Variants in BAZ2B observed in about 807,000 individuals in gnomAD.
The protein encoded by BAZ2B is bromodomain adjacent to zinc finger domain protein 2B.
Under a neutral mutation model 246.0 loss-of-function variants are expected in BAZ2B, and 91 were observed. The observed-to-expected ratio is 0.37, with a 90% CI of 0.31 to 0.44. The LOEUF is 0.44. BAZ2B is among the 20% of genes least tolerant of loss of function. BAZ2B has a pLI of 1.00. For missense variants in BAZ2B, 2,332 were observed against 2,533.7 expected, an observed-to-expected ratio of 0.92 and a Z score of 1.71; for synonymous variants, 855 against 860.0, an observed-to-expected ratio of 0.99 and a Z score of 0.10.
chr2:159,400,909 T>G (rs570120558), intron 16 of BAZ2B, among the ~76,000 whole-genome samples: 1 of 152,124 alleles, frequency 6.6e-6, no homozygotes, highest in East Asian at 1.9e-4. Flanking sequence ...CAGGGCTTGG[T>G]GGCGGGCACC....
At chr2:159,590,835 A>G (rs12623149) in intron 1 of BAZ2B, among the ~76,000 whole-genome samples, 83,939 of 151,914 alleles carry the variant, frequency 0.55, 23,950 homozygotes, top group East Asian at 0.74. Context: ...ATTTATTTAC[A>G]TTTCAAGAGG....
chr2:159,332,450 G>T, intron 34 of BAZ2B, 90 bp downstream of exon 34: 1 of 1,290,582 alleles, frequency 7.7e-7, no homozygotes, highest in Non-Finnish European at 1.1e-6. Flanking sequence ...TCATACCACT[G>T]CACTCCAGCC....
intron 27 of BAZ2B, among the ~76,000 whole-genome samples, chr2:159,359,521 A>G (rs949929081): frequency 1.3e-5 from 2 of 152,212 alleles, no homozygotes; most frequent in South Asian, 2.1e-4. Context: ...GAATTCTACC[A>G]GAGGTACAAA....
At position 159,499,594 on chromosome 2, in the gene BAZ2B, G is replaced by A. The variant is rs1183046341; in HGVS notation, c.-2-20873C>T. Among the ~76,000 whole-genome samples the A allele has an allele frequency of 3.3e-5, 5 of 152,246 alleles. No individual in the cohort carries two copies. In the East Asian group the frequency reaches 5.8e-4, roughly 18 times the overall value. The stretch of plus-strand genomic sequence containing the variant: ...TCAGCTTCTAGATCTTTGAGGAATC[G>A]CCATACTGTCTTCCACATGGCTGAA... On this transcript the variant is annotated intron_variant, in intron 2 of 36. Coordinates refer to ENST00000392783, the MANE Select transcript of BAZ2B (RefSeq NM_013450.4).
chr2:159,711,646 A>T, the BAZ2B span, among the ~76,000 whole-genome samples: 2 of 152,206 alleles, frequency 1.3e-5, no homozygotes, highest in Non-Finnish European at 2.9e-5. Context: ...CATTATTCCA[A>T]ATCAACATAT....
the BAZ2B span, among the ~76,000 whole-genome samples, chr2:159,699,663 T>A: frequency 6.6e-6 from 1 of 152,220 alleles, no homozygotes; most frequent in Non-Finnish European, 1.5e-5. Context: ...CTTTGATTAA[T>A]CAGTCACTCC....
At chr2:159,372,359 G>C (rs1028216963) in intron 27 of BAZ2B, among the ~76,000 whole-genome samples, 5 of 152,176 alleles carry the variant, frequency 3.3e-5, no homozygotes, top group Admixed American at 2.6e-4. Context: ...AAATATATAA[G>C]CACTAACATA....
the BAZ2B span, among the ~76,000 whole-genome samples, chr2:159,691,242 T>C: frequency 2.6e-5 from 4 of 152,186 alleles, no homozygotes; most frequent in African/African-American, 9.7e-5. Flanking sequence ...TCTTGTGTTT[T>C]TGGAATACAG....
chr2:159,591,703 TG>T (rs1559855258), intron 1 of BAZ2B, among the ~76,000 whole-genome samples: 2 of 152,136 alleles, frequency 1.3e-5, no homozygotes, highest in Non-Finnish European at 2.9e-5. Context: ...ACTCCTACTA[TG>T]GGTGGCCCAA....
At chr2:159,439,639 C>T (rs2073018306) in intron 6 of BAZ2B, among the ~76,000 whole-genome samples, 1 of 152,110 alleles carries the variant, frequency 6.6e-6, no homozygotes, top group African/African-American at 2.4e-5. Context: ...CCACACACAC[C>T]TTTCTGGGTA....
intron 2 of BAZ2B, among the ~76,000 whole-genome samples, chr2:159,548,178 G>A (rs897766545): frequency 5.9e-5 from 9 of 152,084 alleles, no homozygotes. Flanking sequence ...AAATGTTTAG[G>A]ATGTATTTTA....
At chr2:159,612,853 CT>C (rs1010595348) in intron 1 of BAZ2B, among the ~76,000 whole-genome samples, 3 of 152,086 alleles carry the variant, frequency 2.0e-5, no homozygotes, top group Admixed American at 6.5e-5. Flanking sequence ...ACATCTGCTC[CT>C]TTACACTGCA....
At chr2:159,576,206 T>C (rs972745268) in intron 1 of BAZ2B, among the ~76,000 whole-genome samples, 3 of 152,162 alleles carry the variant, frequency 2.0e-5, no homozygotes, top group Non-Finnish European at 4.4e-5. Flanking sequence ...CTGAGTCACA[T>C]CTCAGTTTCC....
intron 28 of BAZ2B, 23 bp downstream of exon 28, chr2:159,349,685 G>C: frequency 6.4e-7 from 1 of 1,571,854 alleles, no homozygotes. Flanking sequence ...ATATAAAAAT[G>C]AGTTACAGTT....
intron 1 of BAZ2B, among the ~76,000 whole-genome samples, chr2:159,606,757 A>C (rs1356541346): frequency 6.6e-6 from 1 of 152,162 alleles, no homozygotes; most frequent in Non-Finnish European, 1.5e-5. Context: ...AATAATAATA[A>C]ATTTCATTAT....
chr2:159,408,310 C>T (rs2066277533), intron 14 of BAZ2B, among the ~76,000 whole-genome samples: 1 of 152,098 alleles, frequency 6.6e-6, no homozygotes, highest in Admixed American at 6.5e-5. Flanking sequence ...ATAACCAGGA[C>T]TATAGGAGTG....
At chr2:159,629,028 C>T in the BAZ2B span, among the ~76,000 whole-genome samples, 1 of 152,196 alleles carries the variant, frequency 6.6e-6, no homozygotes, top group Non-Finnish European at 1.5e-5. Flanking sequence ...TGAACAGGCA[C>T]TTCTCAAAAG....
intron 3 of BAZ2B, chr2:159,463,235 C>T (rs2076626973): frequency 2.2e-6 from 1 of 456,886 alleles, no homozygotes; most frequent in African/African-American, 2.0e-5. Context: ...TTATCCAACA[C>T]ACAATCATTG....
the BAZ2B span, among the ~76,000 whole-genome samples, chr2:159,640,932 C>T: frequency 6.8e-6 from 1 of 148,018 alleles, no homozygotes; most frequent in Non-Finnish European, 1.5e-5. Context: ...ATGAAGAAAA[C>T]AAAACAAAAA....
Sources: gnomAD v4.1 joint callset for allele counts (sites outside exome capture counted in the v4.1 genomes callset) on GRCh38, gnomAD v4.1.1 for gene constraint, MANE v1.5 for transcripts, NCBI Gene and HGNC (gene_info 2026-07-23, HGNC 2026-07-21) for gene names.